The following CCNB1 variants were observed in gnomAD, a reference collection of about 807,000 sequenced individuals.
The protein encoded by CCNB1 is G2/mitotic-specific cyclin-B1.
In CCNB1, 26 loss-of-function variants were observed where a neutral mutation model predicts 44.4. The observed-to-expected ratio is 0.59, with a 90% CI of 0.43 to 0.81. CCNB1 has a LOEUF of 0.81. Among genes scored for constraint, CCNB1 ranks in the 40% least tolerant of loss-of-function variants. CCNB1 has a pLI of 0.00. For synonymous variants in CCNB1, 195 were observed against 181.4 expected (o/e 1.08, Z -0.60); for missense variants, 477 against 520.9 (o/e 0.92, Z 0.82).
intron 5 of CCNB1, 80 bp from the exon 6 acceptor site, chr5:69,174,797 G>A: frequency 9.1e-7 from 1 of 1,093,008 alleles, no homozygotes; most frequent in Admixed American, 1.9e-5. Context: ...ATGGGAGAAT[G>A]TCTTTCTACC....
intron 3 of CCNB1, 133 bp from the exon 4 acceptor site, chr5:69,171,137 T>C: frequency 3.2e-6 from 2 of 617,794 alleles, no homozygotes; most frequent in Non-Finnish European, 2.8e-6. Flanking sequence ...AAAGATACTT[T>C]TCCTTTAAGG....
At position 69,175,041 on chromosome 5, in the gene CCNB1, A is replaced by G; in HGVS notation, c.870A>G (p.Leu290=). The change falls in exon 6 of 9, where the codon CTA becomes CTG. Residue 290 remains leucine, a synonymous_variant. Transcript: ENST00000256442. ...HQIRQMEMKI[L]RALNFGLGRP... ...TCAGACAGATGGAAATGAAGATTCT[A>G]AGAGCTTTAAACTTTGGTCTGGGTC... 2 of 1,614,204 alleles carry G rather than the reference A, an allele frequency of 1.2e-6. No homozygotes were observed. Among genetic ancestry groups the G allele is most frequent in the African/African-American group, 1.3e-5 (1 of 75,060 alleles).
At position 69,174,873 on chromosome 5, in the gene CCNB1, G is replaced by A. The variant is rs1323305175; in HGVS notation, c.706-4G>A. On this transcript the variant is annotated splice_region_variant and splice_polypyrimidine_tract_variant and intron_variant, in intron 5 of 8. Coordinates refer to ENST00000256442, the MANE Select transcript of CCNB1 (RefSeq NM_031966.4). The stretch of plus-strand genomic sequence containing the variant: ...TATTCACCCTATTGAAATTCCCATT[G>A]CAGAATAATTGTGTGCCCAAGAAGA... 1 of 1,610,198 alleles carries A rather than the reference G, an allele frequency of 6.2e-7. No homozygotes were observed. Among genetic ancestry groups the A allele is most frequent in the African/African-American group, 1.3e-5 (1 of 74,896 alleles).
chr5:69,171,152 G>T, intron 3 of CCNB1, 118 bp from the exon 4 acceptor site: 1 of 651,498 alleles, frequency 1.5e-6, no homozygotes, highest in South Asian at 2.2e-5. Context: ...TTAAGGAAAT[G>T]AATTGTATGC....
chr5:69,167,560 A>T (rs1316455590), intron 1 of CCNB1: 2 of 529,234 alleles, frequency 3.8e-6, no homozygotes, highest in Admixed American at 7.4e-5. Flanking sequence ...CCTTTTGAAA[A>T]AGTGATAGAG....
In CCNB1 at chr5:69,175,110, A is replaced by T; in HGVS notation, c.939A>T (p.Gly313=). Residue 313 remains glycine (G), a synonymous_variant, in exon 6 of 9, where the codon GGA becomes GGT. Transcript: ENST00000256442. ...TCCTTCGGAGAGCATCTAAGATTGG[A>T]GAGGTACAGGTTTCTTGAGAAACCT... The part of the protein sequence containing the change: ...LHFLRRASKI[G]EVDVEQHTLA... The T allele has an allele frequency of 6.2e-7, 1 of 1,609,556 alleles. No homozygotes were observed. Among genetic ancestry groups the T allele is most frequent in the Non-Finnish European group, 8.5e-7 (1 of 1,176,342 alleles).
chr5:69,171,776 G>C (rs1704543098), intron 4 of CCNB1, among the ~76,000 whole-genome samples: 1 of 152,150 alleles, frequency 6.6e-6, no homozygotes, highest in African/African-American at 2.4e-5. Flanking sequence ...CTGCATTTTA[G>C]GTGATAACGG....
At chr5:69,174,134 G>T (rs536302207) in intron 4 of CCNB1, 117 bp from the exon 5 acceptor site, 1 of 783,206 alleles carries the variant, frequency 1.3e-6, no homozygotes, top group East Asian at 2.6e-5. Flanking sequence ...ATTGAATTAA[G>T]AACTGATATA....
Position 69,168,181 on chromosome 5 carries a change from A to C in CCNB1, c.201A>C (p.Lys67Asn). Reference sequence around the variant, plus strand: ...CTCTGTTTCATCTACAGGAAGCAAAACCTTCAGCTACTGGAAAAGTCATTG... The same window carrying C: ...CTCTGTTTCATCTACAGGAAGCAAACCCTTCAGCTACTGGAAAAGTCATTG... The part of the protein sequence containing the change: ...QAKMPMKKEA[K>N]PSATGKVIDK... Residue 67 changes from lysine to asparagine, a missense_variant, in exon 3 of 9, where the codon AAA (lysine) becomes AAC (asparagine). Coordinates refer to ENST00000256442, the MANE Select transcript of CCNB1 (RefSeq NM_031966.4). The C allele has an allele frequency of 6.2e-7, 1 of 1,614,014 alleles. No individual in the cohort carries two copies. The highest frequency in any genetic ancestry group is 8.5e-7 in the Non-Finnish European group (1 of 1,179,970).
intron 4 of CCNB1, among the ~76,000 whole-genome samples, chr5:69,172,975 G>A (rs1046927688): frequency 3.3e-5 from 5 of 151,574 alleles, no homozygotes; most frequent in South Asian, 2.1e-4. Context: ...GGGTTTCACC[G>A]TGTTAGCCAG....
chr5:69,170,807 G>A (rs1747442968), intron 3 of CCNB1, among the ~76,000 whole-genome samples: 3 of 152,028 alleles, frequency 2.0e-5, no homozygotes, highest in Admixed American at 2.0e-4. Context: ...TTGTAGAGAT[G>A]AGTTATTGCT....
intron 7 of CCNB1, among the ~76,000 whole-genome samples, chr5:69,176,540 A>ATTT (rs199557367): frequency 0.1 from 14,892 of 145,626 alleles, 843 homozygotes; most frequent in Admixed American, 0.15. Flanking sequence ...ATATATATAT[A>ATTT]TATTTTTTTT....
rs1747518454 is a variant in CCNB1, at chr5:69,173,844, C to T, written c.547-407C>T. Among the ~76,000 whole-genome samples, 4 of 151,904 alleles carry T rather than the reference C, an allele frequency of 2.6e-5. No individual in the cohort carries two copies. The South Asian group carries it at 8.3e-4, about 32-fold the overall frequency. On this transcript the variant is annotated intron_variant, in intron 4 of 8. Transcript: ENST00000256442. ...GAGTGCAGTGGTGCAATCTCGGCTC[C>T]CTGCAACCTCCACCTGCCAGGTTCA...
chr5:69,175,240 T>C (rs1320205504), intron 6 of CCNB1, 127 bp downstream of exon 6: 1 of 1,037,330 alleles, frequency 9.6e-7, no homozygotes, highest in African/African-American at 1.6e-5. Flanking sequence ...AAGTTGTTCT[T>C]TATTTCTAGT....
intron 1 of CCNB1, chr5:69,167,571 G>A: frequency 1.9e-6 from 1 of 520,258 alleles, no homozygotes; most frequent in Non-Finnish European, 3.4e-6. Flanking sequence ...AGTGATAGAG[G>A]GTCCCTGAGT....
Position 69,177,782 on chromosome 5 carries a change from C to T in CCNB1, c.*151C>T, listed in dbSNP as rs754860405. ...CTAATTTGAATGTGGTTACTTCCTA[C>T]TGTAGGGTAGCGGAAAAGTTGTCTT... On this transcript the variant is annotated 3_prime_UTR_variant, in exon 9 of 9. Transcript: ENST00000256442. The T allele has an allele frequency of 3.5e-6, 2 of 565,742 alleles. No individual in the cohort carries two copies. The highest frequency in any genetic ancestry group is 6.3e-6 in the Non-Finnish European group (2 of 316,372). The allele number at this position is 565,742 out of a possible 1,614,324, so 35.0% of individuals were successfully genotyped here.
intron 3 of CCNB1, among the ~76,000 whole-genome samples, chr5:69,171,007 C>T (rs1330399825): frequency 6.6e-6 from 1 of 152,096 alleles, no homozygotes; most frequent in East Asian, 1.9e-4. Flanking sequence ...TGGTCTTGAA[C>T]TCCTAGCCTC....
intron 7 of CCNB1, among the ~76,000 whole-genome samples, chr5:69,176,540 A>G (rs867097152): frequency 6.9e-6 from 1 of 145,762 alleles, no homozygotes; most frequent in East Asian, 2.0e-4. Flanking sequence ...ATATATATAT[A>G]TATTTTTTTT....
chr5:69,168,277 A>G lies in CCNB1; in HGVS notation c.297A>G (p.Pro99=). The G allele has an allele frequency of 6.2e-7, 1 of 1,614,104 alleles. No homozygotes were observed. Among genetic ancestry groups the G allele is most frequent in the Non-Finnish European group, 8.5e-7 (1 of 1,179,950 alleles). ...LVPVPVSEPV[P]EPEPEPEPEP... ...CAGTGCCAGTGTCTGAGCCAGTGCC[A>G]GAGCCAGAACCTGAGCCAGAACCTG... Residue 99 remains proline (P), a synonymous_variant, in exon 3 of 9, where the codon CCA becomes CCG. Transcript: ENST00000256442.
Sources: allele counts gnomAD v4.1 joint callset (sites outside exome capture counted in the v4.1 genomes callset), GRCh38; gene constraint gnomAD v4.1.1; transcripts MANE v1.5; gene names NCBI Gene and HGNC (gene_info 2026-07-23, HGNC 2026-07-21).